The following CRBN variants were observed in gnomAD, a reference collection of about 807,000 sequenced individuals.
CRBN encodes cereblon, also known as protein cereblon.
In CRBN, 53 loss-of-function variants were observed where a neutral mutation model predicts 62.2. The observed-to-expected ratio is 0.85, with a 90% confidence interval of 0.68 to 1.07. CRBN has a LOEUF of 1.07. Among genes scored for constraint, CRBN ranks in the 50% least tolerant of loss-of-function variants. CRBN has a pLI of 0.00. For synonymous variants in CRBN, 208 were observed against 176.1 expected (o/e 1.18, Z -1.43); for missense variants, 616 against 531.1 (o/e 1.16, Z -1.57).
chr3:3,165,364 C>T (rs981431282), intron 5 of CRBN, among the ~76,000 whole-genome samples: 7 of 152,274 alleles, frequency 4.6e-5, no homozygotes, highest in Middle Eastern at 3.4e-3. Flanking sequence ...TCAAACAGCG[C>T]CGCATGCTAA....
intron 1 of CRBN, among the ~76,000 whole-genome samples, chr3:3,178,847 T>G (rs1041682818): frequency 1.1e-4 from 16 of 152,054 alleles, no homozygotes; most frequent in African/African-American, 3.4e-4. Context: ...AAGCATCTCT[T>G]GAAAGGCATT....
At chr3:3,153,627 AAC>A (rs1706736544) in intron 8 of CRBN, 139 bp from the exon 9 acceptor site, 3 of 681,398 alleles carry the variant, frequency 4.4e-6, no homozygotes, top group South Asian at 3.3e-5. Context: ...AGCATTCAAA[AAC>A]ACTTTTAAAG....
At chr3:3,168,914 TATA>T (rs1165994353) in intron 4 of CRBN, among the ~76,000 whole-genome samples, 1 of 152,184 alleles carries the variant, frequency 6.6e-6, no homozygotes, top group African/African-American at 2.4e-5. Flanking sequence ...CAAGTGTTCT[TATA>T]TTATTATTAG....
intron 1 of CRBN, 106 bp downstream of exon 1, chr3:3,179,515 C>T (rs1707980709): frequency 2.7e-6 from 3 of 1,126,562 alleles, no homozygotes; most frequent in South Asian, 2.6e-5. Context: ...TGGGCTGGCT[C>T]GCCAGGCTTG....
At chr3:3,162,669 T>A (rs183108473) in intron 5 of CRBN, among the ~76,000 whole-genome samples, 11 of 152,300 alleles carry the variant, frequency 7.2e-5, no homozygotes, top group Admixed American at 2.6e-4. Context: ...ATTGAATATA[T>A]CTCAGGAAGA....
intron 4 of CRBN, among the ~76,000 whole-genome samples, chr3:3,169,376 T>C (rs1021580574): frequency 2.0e-5 from 3 of 152,208 alleles, no homozygotes; most frequent in Non-Finnish European, 4.4e-5. Context: ...ATATAAATGT[T>C]ATAAAAACCA....
At chr3:3,155,583 C>T (rs1228191252) in intron 6 of CRBN, 1 of 153,198 alleles carries the variant, frequency 6.5e-6, no homozygotes, top group Admixed American at 6.5e-5. Flanking sequence ...AGCACTGTCC[C>T]TTAGTTTTGC....
chr3:3,175,371 A>C, intron 1 of CRBN, 102 bp from the exon 2 acceptor site: 9 of 871,956 alleles, frequency 1.0e-5, no homozygotes, highest in South Asian at 9.8e-5. Flanking sequence ...AACCACATGC[A>C]TTTGGTAAAC....
chr3:3,158,500 CT>C (rs1707005420), intron 5 of CRBN, among the ~76,000 whole-genome samples: 1 of 152,190 alleles, frequency 6.6e-6, no homozygotes, highest in Non-Finnish European at 1.5e-5. Context: ...TTGTCCCTCA[CT>C]TTTAAGACTA....
chr3:3,157,896 G>A (rs949705239), intron 5 of CRBN, among the ~76,000 whole-genome samples: 1 of 152,204 alleles, frequency 6.6e-6, no homozygotes, highest in African/African-American at 2.4e-5. Context: ...GAGATGTTCA[G>A]TTTAGAGCTG....
Position 3,172,842 on chromosome 3 carries a change from A to T in CRBN, c.461T>A (p.Ile154Lys), listed in dbSNP as rs765585093. Residue 154 changes from isoleucine (I) to lysine (K), a missense_variant, in exon 4 of 11, where the codon ATA (isoleucine) becomes AAA (lysine). Transcript: ENST00000231948. ...YREEQDFGIE[I>K]VKVKAIGRQR... The stretch of plus-strand genomic sequence containing the variant: ...TCTTCCAATTGCTTTCACTTTCACT[A>T]TCTCAATTCCAAAATCCTGTTCTTC... 3.7e-6 allele frequency: 6 copies of T among 1,613,816 alleles called. No homozygotes were observed. The highest frequency in any genetic ancestry group is 4.2e-6 in the Non-Finnish European group (5 of 1,179,716).
chr3:3,168,371 ATAAAT>A (rs1707438877), intron 4 of CRBN, among the ~76,000 whole-genome samples: 2 of 152,302 alleles, frequency 1.3e-5, no homozygotes, highest in African/African-American at 4.8e-5. Flanking sequence ...GGATCAAACT[ATAAAT>A]TAGATTTTTT....
In CRBN at chr3:3,150,656, T is replaced by G; in HGVS notation, c.*209A>C. 1 of 511,078 alleles carries G rather than the reference T, an allele frequency of 2.0e-6. No homozygotes were observed. The highest frequency in any genetic ancestry group is 3.5e-6 in the Non-Finnish European group (1 of 283,780). The allele number at this position is 511,078 out of a possible 1,614,324, so 31.7% of individuals were successfully genotyped here. ...CTACCCAAGTAGATGTTTCTGGTAT[T>G]CTAGACTGCCGTTCATGCTTGTTTC... On this transcript the variant is annotated 3_prime_UTR_variant, in exon 11 of 11. Transcript: ENST00000231948.
At chr3:3,173,052 T>G in intron 3 of CRBN, 127 bp from the exon 4 acceptor site, 1 of 754,384 alleles carries the variant, frequency 1.3e-6, no homozygotes, top group Non-Finnish European at 2.3e-6. Context: ...GCTAGGATAA[T>G]TTTATTTATT....
chr3:3,175,336 T>C, intron 1 of CRBN, 67 bp from the exon 2 acceptor site: 1 of 1,192,206 alleles, frequency 8.4e-7, no homozygotes, highest in Non-Finnish European at 1.2e-6. Flanking sequence ...ATGTAATTCC[T>C]TCTTCAAAAG....
chr3:3,151,859 C>T (rs1181632863), intron 10 of CRBN, among the ~76,000 whole-genome samples: 2 of 151,888 alleles, frequency 1.3e-5, no homozygotes, highest in African/African-American at 4.8e-5. Flanking sequence ...AGAAGAAAAG[C>T]AGGATTCAAT....
Position 3,150,927 on chromosome 3 carries a change from A to G in CRBN, c.1267T>C (p.Leu423=). The G allele has an allele frequency of 6.2e-7, 1 of 1,614,044 alleles. No homozygotes were observed. The highest frequency in any genetic ancestry group is 1.3e-5 in the African/African-American group (1 of 75,048). The change falls in exon 11 of 11, where the codon TTG becomes CTG. Residue 423 remains leucine (L), a synonymous_variant. Transcript: ENST00000231948. ...TCTTCAGTGTCTGGGATCGTGGGCA[A>G]CAGAGCAGATCGCGTTAAGCCCCAA... ...KFWGLTRSAL[L]PTIPDTEDEI... is the part of the protein sequence containing the mutation.
At chr3:3,160,110 G>A (rs1027533483) in intron 5 of CRBN, among the ~76,000 whole-genome samples, 1 of 152,162 alleles carries the variant, frequency 6.6e-6, no homozygotes, top group Non-Finnish European at 1.5e-5. Flanking sequence ...CTGTTACCTG[G>A]AGGTAATCTA....
intron 5 of CRBN, among the ~76,000 whole-genome samples, chr3:3,159,487 A>C (rs901387672): frequency 2.6e-5 from 4 of 152,246 alleles, no homozygotes; most frequent in Non-Finnish European, 5.9e-5. Flanking sequence ...CATGTCAAGA[A>C]AAAGAATCTG....
Sources: allele counts gnomAD v4.1 joint callset (sites outside exome capture counted in the v4.1 genomes callset), GRCh38; gene constraint gnomAD v4.1.1; transcripts MANE v1.5; gene names NCBI Gene and HGNC (gene_info 2026-07-23, HGNC 2026-07-21).